The following USP34 variants were observed in gnomAD, a reference collection of about 807,000 sequenced individuals.
USP34 encodes ubiquitin carboxyl-terminal hydrolase 34.
A neutral mutation model predicts 460.3 loss-of-function variants in USP34; 70 were observed. That is an observed-to-expected ratio of 0.15 (90% CI 0.13 to 0.19). The LOEUF is 0.19. Among genes scored for constraint, USP34 ranks in the 10% least tolerant of loss-of-function variants. USP34 has a pLI of 1.00. For missense variants in USP34, 3,985 were observed against 4,236.2 expected, an observed-to-expected ratio of 0.94 and a Z score of 1.65; for synonymous variants, 1,647 against 1,405.3, an observed-to-expected ratio of 1.17 and a Z score of -3.85.
chr2:61,451,459 C>T (rs1163891013), intron 1 of USP34, among the ~76,000 whole-genome samples: 7 of 151,706 alleles, frequency 4.6e-5, no homozygotes, highest in African/African-American at 1.2e-4. Context: ...CCAAGGTGGG[C>T]GGATCATCTG....
chr2:61,451,437 C>G (rs886929814), intron 1 of USP34, among the ~76,000 whole-genome samples: 1 of 151,946 alleles, frequency 6.6e-6, no homozygotes, highest in Non-Finnish European at 1.5e-5. Context: ...GTAATCCCAG[C>G]ACTTCGGGAG....
At chr2:61,326,816 C>T (rs1691106498) in intron 20 of USP34, among the ~76,000 whole-genome samples, 1 of 135,176 alleles carries the variant, frequency 7.4e-6, no homozygotes, top group South Asian at 2.4e-4. Context: ...AACGGAGTTT[C>T]ACACTCGCCC....
In USP34 at chr2:61,187,580, G is replaced by A. The variant is rs1215849736; in HGVS notation, c.*522C>T. On this transcript the variant is annotated 3_prime_UTR_variant, in exon 80 of 80. Coordinates refer to ENST00000398571, the MANE Select transcript of USP34 (RefSeq NM_014709.4). ...CAAGTGTGCTTTATTTCCTCCACAGGTATTCTGTTAAATAAAGCACCATTT... is the reference window on the plus strand; with the variant it reads ...CAAGTGTGCTTTATTTCCTCCACAGATATTCTGTTAAATAAAGCACCATTT... The A allele has an allele frequency of 3.2e-6, 3 of 936,226 alleles. No individual in the cohort carries two copies. Among genetic ancestry groups the A allele is most frequent in the African/African-American group, 1.8e-5 (1 of 55,990 alleles). 58.0% of individuals were successfully genotyped at this position (936,226 alleles called of 1,614,324 possible).
At chr2:61,271,171 C>A (rs1689202303) in intron 41 of USP34, among the ~76,000 whole-genome samples, 1 of 152,066 alleles carries the variant, frequency 6.6e-6, no homozygotes, top group Non-Finnish European at 1.5e-5. Flanking sequence ...TGTGGTGACA[C>A]ACGCCTGTAA....
At chr2:61,334,857 A>AT (rs2103739381) in intron 18 of USP34, among the ~76,000 whole-genome samples, 1 of 152,344 alleles carries the variant, frequency 6.6e-6, no homozygotes, top group African/African-American at 2.4e-5. Context: ...TCCAGAATTT[A>AT]TAAGTGCTGA....
In USP34 at chr2:61,214,324, G is replaced by A; in HGVS notation, c.8418C>T (p.Tyr2806=). The A allele has an allele frequency of 1.2e-6, 2 of 1,614,244 alleles. No individual in the cohort carries two copies. Among genetic ancestry groups the A allele is most frequent in the Non-Finnish European group, 1.7e-6 (2 of 1,180,044 alleles). ...HNKQALLSFW[Y]NVCADCPENI... Reference sequence around the variant, plus strand: ...TCTCTGGACAGTCAGCACAGACATTGTACCAAAATGAAAGCAAAGCCTGTT... The same window carrying A: ...TCTCTGGACAGTCAGCACAGACATTATACCAAAATGAAAGCAAAGCCTGTT... Residue 2806 remains tyrosine, a synonymous_variant, in exon 68 of 80, where the codon TAC becomes TAT. Transcript: ENST00000398571.
chr2:61,323,469 T>G (rs1237589100), intron 21 of USP34, among the ~76,000 whole-genome samples: 1 of 149,108 alleles, frequency 6.7e-6, no homozygotes, highest in African/African-American at 2.5e-5. Context: ...GAGCCGAGAT[T>G]GTGCCACTGC....
chr2:61,262,666 TGGTA>T (rs1430286615), intron 43 of USP34, among the ~76,000 whole-genome samples: 2 of 152,158 alleles, frequency 1.3e-5, no homozygotes, highest in Non-Finnish European at 2.9e-5. Flanking sequence ...TGTGTCTTCA[TGGTA>T]GGATGATTTA....
intron 25 of USP34, 120 bp downstream of exon 25, chr2:61,314,465 G>C (rs138552102): frequency 3.0e-5 from 26 of 871,968 alleles, no homozygotes; most frequent in Non-Finnish European, 3.8e-5. Flanking sequence ...CCTTCACTTT[G>C]GTAAATTATG....
chr2:61,188,830 C>T (rs1686531388), intron 79 of USP34, 80 bp downstream of exon 79: 2 of 1,579,104 alleles, frequency 1.3e-6, no homozygotes, highest in Admixed American at 1.8e-5. Context: ...GCTGAACACA[C>T]AACTCTTAAA....
intron 16 of USP34, among the ~76,000 whole-genome samples, chr2:61,341,968 G>A (rs1278776728): frequency 2.0e-5 from 3 of 151,708 alleles, no homozygotes; most frequent in African/African-American, 7.3e-5. Context: ...TCACCATGTT[G>A]GCCAGGCTGG....
intron 27 of USP34, among the ~76,000 whole-genome samples, chr2:61,302,316 AT>A (rs1237196463): frequency 6.6e-6 from 1 of 152,232 alleles, no homozygotes; most frequent in Non-Finnish European, 1.5e-5. Context: ...GACACATAAC[AT>A]TTTAAAATTA....
At chr2:61,312,221 G>C (rs1037905454) in intron 25 of USP34, among the ~76,000 whole-genome samples, 4 of 146,392 alleles carry the variant, frequency 2.7e-5, no homozygotes, top group Non-Finnish European at 6.0e-5. Flanking sequence ...GAGATAGGAG[G>C]AATTAAAAAA....
chr2:61,260,656 T>C lies in USP34; in HGVS notation c.5779-880A>G, dbSNP rs147995984. ...AATTATATATTAAACTCAACAGGAATTGAACAAAGGGAATCAACAAAATTG... is the reference window on the plus strand; with the variant it reads ...AATTATATATTAAACTCAACAGGAACTGAACAAAGGGAATCAACAAAATTG... On this transcript the variant is annotated intron_variant, in intron 43 of 79. Transcript: ENST00000398571. Among the ~76,000 whole-genome samples the C allele has an allele frequency of 6.1e-3, 926 of 152,220 alleles. 5 individuals are homozygous for C. Among genetic ancestry groups the C allele is most frequent in the African/African-American group, 0.022 (901 of 41,546 alleles).
intron 10 of USP34, among the ~76,000 whole-genome samples, chr2:61,369,642 C>CAAAAAAA (rs57947331): frequency 2.3e-4 from 10 of 43,422 alleles, no homozygotes; most frequent in East Asian, 9.4e-4. Context: ...GATTCCGTCT[C>CAAAAAAA]AAAAAAAAAA....
chr2:61,466,897 G>A (rs1215249194), intron 1 of USP34, among the ~76,000 whole-genome samples: 5 of 146,250 alleles, frequency 3.4e-5, no homozygotes, highest in Admixed American at 1.4e-4. Context: ...GTTAGACTCC[G>A]TGTCAAAAAA....
At position 61,349,244 on chromosome 2, in the gene USP34, A is replaced by G. The variant is rs760930838; in HGVS notation, c.1543+6T>C. On this transcript the variant is annotated splice_donor_region_variant and intron_variant, in intron 13 of 79. Transcript: ENST00000398571. ...TGTTGCCATGAATTTCTAAGGCTCA[A>G]CTTACAAGGTGATGGAGCTGTTCTT... 4 of 1,611,714 alleles carry G rather than the reference A, an allele frequency of 2.5e-6. No individual in the cohort carries two copies. The highest frequency in any genetic ancestry group is 1.3e-5 in the African/African-American group (1 of 74,830).
At chr2:61,265,215 TTA>T in intron 43 of USP34, 180 bp downstream of exon 43, 1 of 647,042 alleles carries the variant, frequency 1.5e-6, no homozygotes, top group Admixed American at 3.1e-5. Flanking sequence ...TACTACAGCA[TTA>T]TGAGTAATCT....
At chr2:61,240,815 C>T (rs2103856837) in intron 53 of USP34, among the ~76,000 whole-genome samples, 1 of 151,816 alleles carries the variant, frequency 6.6e-6, no homozygotes, top group South Asian at 2.1e-4. Context: ...CTCACGTGAT[C>T]CACCTGTCTG....
Sources: allele counts gnomAD v4.1 joint callset (sites outside exome capture counted in the v4.1 genomes callset), GRCh38; gene constraint gnomAD v4.1.1; transcripts MANE v1.5; gene names NCBI Gene and HGNC (gene_info 2026-07-23, HGNC 2026-07-21).